Variants in KCNH1 observed in about 807,000 individuals in gnomAD.
KCNH1 encodes the protein voltage-gated delayed rectifier potassium channel KCNH1.
A neutral mutation model predicts 69.2 loss-of-function variants in KCNH1; 27 were observed. The ratio of observed to expected loss-of-function variants is 0.39; its 90% CI spans 0.29 to 0.54. KCNH1 has a LOEUF of 0.54. KCNH1 is among the 20% of genes least tolerant of loss of function. The pLI is 0.68. For synonymous variants in KCNH1, 456 were observed against 487.7 expected (o/e 0.93, Z 0.86); for missense variants, 798 against 1,261.6 (o/e 0.63, Z 5.57).
At chr1:210,715,416 C>A (rs1267922853) in intron 10 of KCNH1, among the ~76,000 whole-genome samples, 1 of 151,874 alleles carries the variant, frequency 6.6e-6, no homozygotes, top group East Asian at 1.9e-4. Context: ...CATGTAATCC[C>A]AGCACTTTGG....
At chr1:211,055,791 C>T (rs1690293340) in intron 5 of KCNH1, among the ~76,000 whole-genome samples, 1 of 152,210 alleles carries the variant, frequency 6.6e-6, no homozygotes, top group Non-Finnish European at 1.5e-5. Flanking sequence ...TCATGGACAA[C>T]ACTTCTAGAC....
chr1:211,103,165 ATCT>A (rs1055744213), intron 3 of KCNH1, among the ~76,000 whole-genome samples: 7 of 152,234 alleles, frequency 4.6e-5, no homozygotes, highest in African/African-American at 1.4e-4. Context: ...TTTCTGTCTC[ATCT>A]TCTCCCTCCC....
intron 1 of KCNH1, among the ~76,000 whole-genome samples, chr1:211,109,306 C>T (rs571064010): frequency 6.6e-6 from 1 of 152,256 alleles, no homozygotes; most frequent in South Asian, 2.1e-4. Context: ...GGATGAGTAA[C>T]TGAAGACTAG....
intron 7 of KCNH1, among the ~76,000 whole-genome samples, chr1:210,894,354 T>C (rs1481407634): frequency 6.6e-6 from 1 of 152,204 alleles, no homozygotes; most frequent in African/African-American, 2.4e-5. Flanking sequence ...CTCAATCCAA[T>C]GTCCCGTCAA....
At chr1:211,082,575 C>T (rs1374818673) in intron 5 of KCNH1, among the ~76,000 whole-genome samples, 1 of 152,182 alleles carries the variant, frequency 6.6e-6, no homozygotes, top group Non-Finnish European at 1.5e-5. Context: ...TTCCAGCCTG[C>T]TTTTGCACAT....
Position 210,908,605 on chromosome 1 carries a change from A to G in KCNH1, c.1462+11035T>C, listed in dbSNP as rs529753638. Among the ~76,000 whole-genome samples, 18 of 152,250 alleles carry G rather than the reference A, an allele frequency of 1.2e-4. No homozygotes were observed. In the South Asian group the frequency reaches 2.7e-3, roughly 23 times the overall value. On this transcript the variant is annotated intron_variant, in intron 7 of 10. Transcript: ENST00000271751. ...TGTCAGTATGTTCTCTGTTAATTTG[A>G]ACATTTGGGCCAGGCTTCATAGGGA...
intron 7 of KCNH1, among the ~76,000 whole-genome samples, chr1:210,905,134 C>T (rs775990379): frequency 7.9e-5 from 12 of 152,160 alleles, no homozygotes; most frequent in Admixed American, 3.3e-4. Context: ...GACAGGTCTT[C>T]GATACACACA....
chr1:210,953,363 G>A (rs1688098831), intron 6 of KCNH1, among the ~76,000 whole-genome samples: 1 of 152,076 alleles, frequency 6.6e-6, no homozygotes, highest in African/African-American at 2.4e-5. Context: ...CACCCACGTG[G>A]GCTGTTCTCA....
intron 7 of KCNH1, among the ~76,000 whole-genome samples, chr1:210,856,550 C>A (rs1394393223): frequency 6.6e-6 from 1 of 151,580 alleles, no homozygotes; most frequent in Non-Finnish European, 1.5e-5. Flanking sequence ...TCCTCATTCT[C>A]CAGCTCTGTC....
At chr1:210,942,899 G>A (rs991703303) in intron 6 of KCNH1, among the ~76,000 whole-genome samples, 3 of 152,054 alleles carry the variant, frequency 2.0e-5, no homozygotes, top group Non-Finnish European at 4.4e-5. Context: ...AAATTACCAA[G>A]AAAACAAACA....
intron 6 of KCNH1, among the ~76,000 whole-genome samples, chr1:210,965,278 G>A (rs544272029): frequency 6.6e-6 from 1 of 152,042 alleles, no homozygotes; most frequent in Admixed American, 6.6e-5. Flanking sequence ...AAGAAATAAA[G>A]GGTATTTAAT....
intron 10 of KCNH1, among the ~76,000 whole-genome samples, chr1:210,694,952 ACAGCTGTATTTTACAGAAGGAC>A (rs1475378782): frequency 6.6e-6 from 1 of 152,212 alleles, no homozygotes; most frequent in African/African-American, 2.4e-5. Flanking sequence ...GATCTGGGAA[ACAGCTGTATTTTACAGAAGGAC>A]CAACTGAGAA....
intron 6 of KCNH1, among the ~76,000 whole-genome samples, chr1:210,940,035 T>C (rs572726631): frequency 6.6e-6 from 1 of 152,342 alleles, no homozygotes; most frequent in African/African-American, 2.4e-5. Context: ...AAATATTCCA[T>C]GATGATCCCA....
chr1:210,684,468 C>T (rs1167459512), intron 10 of KCNH1, among the ~76,000 whole-genome samples: 4 of 152,182 alleles, frequency 2.6e-5, no homozygotes, highest in African/African-American at 9.7e-5. Context: ...ACTGTCCTAG[C>T]CTCTGTGCCT....
intron 7 of KCNH1, among the ~76,000 whole-genome samples, chr1:210,916,628 G>C (rs1687337638): frequency 6.6e-6 from 1 of 152,142 alleles, no homozygotes; most frequent in African/African-American, 2.4e-5. Context: ...AGGTTCTTGG[G>C]AAAGTGAGTT....
chr1:211,074,500 C>T (rs964922447), intron 5 of KCNH1, among the ~76,000 whole-genome samples: 17 of 151,960 alleles, frequency 1.1e-4, no homozygotes, highest in African/African-American at 9.7e-5. Context: ...AATTGTATCA[C>T]GTTAGATGGA....
At chr1:211,012,568 G>A (rs1689413050) in intron 6 of KCNH1, among the ~76,000 whole-genome samples, 1 of 152,152 alleles carries the variant, frequency 6.6e-6, no homozygotes, top group Non-Finnish European at 1.5e-5. Context: ...CCTATGTTAT[G>A]ACATTCTGAA....
At chr1:210,977,398 C>T (rs927413217) in intron 6 of KCNH1, among the ~76,000 whole-genome samples, 1 of 151,936 alleles carries the variant, frequency 6.6e-6, no homozygotes, top group Non-Finnish European at 1.5e-5. Flanking sequence ...ACATATGTAA[C>T]AAACCTGCAC....
At chr1:210,992,791 G>A (rs1275174006) in intron 6 of KCNH1, among the ~76,000 whole-genome samples, 2 of 152,114 alleles carry the variant, frequency 1.3e-5, no homozygotes, top group African/African-American at 4.8e-5. Flanking sequence ...ATATTGCTTA[G>A]CATGTTTTAG....
Sources: allele counts gnomAD v4.1 joint callset (sites outside exome capture counted in the v4.1 genomes callset), GRCh38; gene constraint gnomAD v4.1.1; transcripts MANE v1.5; gene names NCBI Gene and HGNC (gene_info 2026-07-23, HGNC 2026-07-21).